Variants in RNFT2 observed in about 807,000 individuals in gnomAD.
RNFT2 encodes the protein E3 ubiquitin-protein ligase RNFT2.
RNFT2 carries 36 observed loss-of-function variants against 53.0 expected under a neutral mutation model. The observed-to-expected ratio is 0.68, with a 90% confidence interval of 0.52 to 0.90. RNFT2 has a LOEUF of 0.90. Ranked by LOEUF, RNFT2 falls within the 40% of genes least tolerant of loss-of-function variation. The pLI is 0.00. For missense variants in RNFT2, 514 were observed against 585.6 expected (o/e 0.88, Z 1.26); for synonymous variants, 260 against 253.2 (o/e 1.03, Z -0.26).
chr12:116,803,194 A>T (rs1316163142), intron 7 of RNFT2, among the ~76,000 whole-genome samples: 2 of 152,298 alleles, frequency 1.3e-5, no homozygotes, highest in East Asian at 3.9e-4. Flanking sequence ...ACAACAGCAG[A>T]GGAAACACCT....
In RNFT2 at chr12:116,751,941, C is replaced by A. The variant is rs1872270186; in HGVS notation, c.550+1634C>A. On this transcript the variant is annotated intron_variant, in intron 4 of 10. Transcript: ENST00000257575. ...GGGATTACAGGTGTGAGCCACCACACCCGGCTTACTTATTAGATCATGGTG... is the reference window on the plus strand; with the variant it reads ...GGGATTACAGGTGTGAGCCACCACAACCGGCTTACTTATTAGATCATGGTG... Among the ~76,000 whole-genome samples the A allele has an allele frequency of 2.0e-5, 3 of 152,118 alleles. No individual in the cohort carries two copies. The South Asian group carries it at 6.2e-4, about 32-fold the overall frequency.
intron 5 of RNFT2, among the ~76,000 whole-genome samples, chr12:116,762,021 C>G (rs1283977968): frequency 7.1e-6 from 1 of 140,800 alleles, no homozygotes; most frequent in Admixed American, 7.4e-5. Context: ...GAGCCGAGAT[C>G]ACACCACCAC....
chr12:116,822,760 G>A (rs902931946), intron 7 of RNFT2, among the ~76,000 whole-genome samples: 2 of 152,090 alleles, frequency 1.3e-5, no homozygotes, highest in African/African-American at 4.8e-5. Flanking sequence ...CCAGCACTTT[G>A]GGAGGCTGAG....
intron 8 of RNFT2, 58 bp from the exon 9 acceptor site, chr12:116,835,902 G>T: frequency 1.3e-6 from 2 of 1,587,158 alleles, no homozygotes; most frequent in Non-Finnish European, 1.7e-6. Context: ...GGGTGATTGT[G>T]CAGGGGTCAC....
intron 7 of RNFT2, among the ~76,000 whole-genome samples, chr12:116,798,181 A>G (rs191029889): frequency 6.6e-6 from 1 of 152,084 alleles, no homozygotes; most frequent in African/African-American, 2.4e-5. Flanking sequence ...GCCACCTACA[A>G]GCCAAGGAGA....
chr12:116,820,257 G>T (rs889783804), intron 7 of RNFT2, among the ~76,000 whole-genome samples: 4 of 152,036 alleles, frequency 2.6e-5, no homozygotes, highest in Non-Finnish European at 5.9e-5. Flanking sequence ...TGCCTGGCTA[G>T]TTTTTGTAGA....
At chr12:116,758,650 TA>T (rs1872588709) in intron 5 of RNFT2, among the ~76,000 whole-genome samples, 1 of 152,250 alleles carries the variant, frequency 6.6e-6, no homozygotes, top group African/African-American at 2.4e-5. Context: ...AATTCTTGGC[TA>T]ATCATTGTTT....
rs188280820 is a variant in RNFT2 at position 116,820,458 on chromosome 12, A to G, written c.883-13334A>G. 6.3e-4 allele frequency among the ~76,000 whole-genome samples: 96 copies of G among 152,288 alleles called. No homozygotes were observed. In the Middle Eastern group the frequency reaches 0.01, roughly 16 times the overall value. On this transcript the variant is annotated intron_variant, in intron 7 of 10. Transcript: ENST00000257575. ...TTCAAGTGCTCCATAGCGACATGTG[A>G]CCAGTGGTTACTGGATTGGCTGTGG... is the stretch of plus-strand genomic sequence containing the variant.
At chr12:116,765,872 T>C (rs1045580522) in intron 5 of RNFT2, among the ~76,000 whole-genome samples, 8 of 152,186 alleles carry the variant, frequency 5.3e-5, no homozygotes, top group African/African-American at 1.9e-4. Context: ...CTAGAAAAAG[T>C]GAAAGCAGAA....
At chr12:116,770,583 A>C (rs1873128658) in intron 6 of RNFT2, among the ~76,000 whole-genome samples, 1 of 151,984 alleles carries the variant, frequency 6.6e-6, no homozygotes, top group Admixed American at 6.6e-5. Context: ...TTTTTAAACA[A>C]CATCTTGCTC....
At chr12:116,799,301 A>C (rs910040438) in intron 7 of RNFT2, among the ~76,000 whole-genome samples, 1 of 152,216 alleles carries the variant, frequency 6.6e-6, no homozygotes, top group African/African-American at 2.4e-5. Flanking sequence ...CAAGCCCAAG[A>C]AAACTCTGCT....
chr12:116,853,475 A>G lies in RNFT2; in HGVS notation c.*4027A>G. 3.0e-6 allele frequency: 1 copy of G among 331,374 alleles called. No individual in the cohort carries two copies. The highest frequency in any genetic ancestry group is 5.4e-6 in the Non-Finnish European group (1 of 184,166). 20.5% of individuals were successfully genotyped at this position (331,374 alleles called of 1,614,324 possible). On this transcript the variant is annotated 3_prime_UTR_variant, in exon 11 of 11. Coordinates refer to ENST00000257575, the MANE Select transcript of RNFT2 (RefSeq NM_001382266.1). ...ATGATGTGCAGAGTGTTAGGAAGAC[A>G]TCCGGGCTGCTGAGACTCGGGATTA...
intron 3 of RNFT2, among the ~76,000 whole-genome samples, chr12:116,749,429 C>T (rs1262026432): frequency 6.6e-6 from 1 of 152,112 alleles, no homozygotes; most frequent in Non-Finnish European, 1.5e-5. Context: ...AGGCATGCGC[C>T]ACCATGCCTG....
intron 3 of RNFT2, among the ~76,000 whole-genome samples, chr12:116,748,251 T>C (rs1344173246): frequency 6.6e-6 from 1 of 151,946 alleles, no homozygotes; most frequent in Non-Finnish European, 1.5e-5. Flanking sequence ...TACCCAAAAC[T>C]TGATGTTCGT....
chr12:116,754,177 C>T, intron 5 of RNFT2, 117 bp downstream of exon 5: 2 of 780,838 alleles, frequency 2.6e-6, no homozygotes, highest in South Asian at 3.0e-5. Context: ...GCCTTTGCGT[C>T]CTCATAGCTT....
At position 116,849,497 on chromosome 12, in the gene RNFT2, G is replaced by C. The variant is rs1174213664; in HGVS notation, c.*49G>C. On this transcript the variant is annotated 3_prime_UTR_variant, in exon 11 of 11. Transcript: ENST00000257575. ...AAGGACGCCAAGGGTCAGCATGCCCGGACCCAGCCCTGCGGGGGCTTCCTG... is the reference window on the plus strand; with the variant it reads ...AAGGACGCCAAGGGTCAGCATGCCCCGACCCAGCCCTGCGGGGGCTTCCTG... 6.5e-7 allele frequency: 1 copy of C among 1,540,780 alleles called. No homozygotes were observed. Among genetic ancestry groups the C allele is most frequent in the South Asian group, 1.2e-5 (1 of 84,140 alleles).
intron 7 of RNFT2, among the ~76,000 whole-genome samples, chr12:116,808,122 C>A (rs1261745197): frequency 6.6e-6 from 1 of 152,136 alleles, no homozygotes; most frequent in Admixed American, 6.6e-5. Context: ...CGCCACCATG[C>A]CCAGCTAATT....
chr12:116,800,812 T>TTAAAATAAAATAAAA (rs3069310), intron 7 of RNFT2, among the ~76,000 whole-genome samples: 31,039 of 114,390 alleles, frequency 0.27, 5,427 homozygotes, highest in Admixed American at 0.36. Context: ...AGACTCCATC[T>TTAAAATAAAATAAAA]TAAAATAAAA....
chr12:116,762,620 C>G (rs1872734144), intron 5 of RNFT2, among the ~76,000 whole-genome samples: 1 of 149,468 alleles, frequency 6.7e-6, no homozygotes, highest in South Asian at 2.1e-4. Flanking sequence ...CACTCTGTCA[C>G]CCAGGCTGGA....
Sources: allele counts gnomAD v4.1 joint callset (sites outside exome capture counted in the v4.1 genomes callset), GRCh38; gene constraint gnomAD v4.1.1; transcripts MANE v1.5; gene names NCBI Gene and HGNC (gene_info 2026-07-23, HGNC 2026-07-21).